CAMTA1: variants seen among roughly 807,000 people sequenced by gnomAD.
CAMTA1 encodes calmodulin binding transcription activator 1, also known as calmodulin-binding transcription activator 1.
Under a neutral mutation model 170.9 loss-of-function variants are expected in CAMTA1, and 27 were observed. The observed-to-expected ratio is 0.16, with a 90% CI of 0.12 to 0.22. The LOEUF (loss-of-function observed/expected upper bound fraction) is 0.22, where lower values mean the gene tolerates loss of function less well. CAMTA1 is among the 10% of genes least tolerant of loss of function. CAMTA1 has a pLI of 1.00. For synonymous variants in CAMTA1, 833 were observed against 891.5 expected, an observed-to-expected ratio of 0.93 and a Z score of 1.17; for missense variants, 1,619 against 2,217.2, an observed-to-expected ratio of 0.73 and a Z score of 5.42.
intron 1 of CAMTA1, among the ~76,000 whole-genome samples, chr1:6,801,063 A>G (rs994899135): frequency 6.6e-6 from 1 of 152,166 alleles, no homozygotes; most frequent in Admixed American, 6.5e-5. Context: ...AAGGGTGGAG[A>G]GTGGGCACTT....
chr1:7,327,955 T>C (rs2082792926), intron 5 of CAMTA1, among the ~76,000 whole-genome samples: 1 of 152,200 alleles, frequency 6.6e-6, no homozygotes, highest in South Asian at 2.1e-4. Flanking sequence ...TTTGTTTGTT[T>C]TTTTTTCCCT....
intron 5 of CAMTA1, among the ~76,000 whole-genome samples, chr1:7,255,621 A>G (rs962016565): frequency 1.3e-5 from 2 of 152,084 alleles, no homozygotes; most frequent in African/African-American, 4.8e-5. Flanking sequence ...TTGCCTTCCT[A>G]TCAGCCTTGT....
chr1:7,115,932 C>A (rs1380524892), intron 4 of CAMTA1, among the ~76,000 whole-genome samples: 1 of 152,078 alleles, frequency 6.6e-6, no homozygotes, highest in Non-Finnish European at 1.5e-5. Flanking sequence ...TTTACTCACT[C>A]TGCTGATTCA....
intron 10 of CAMTA1, chr1:7,671,914 G>A (rs781058448): frequency 2.5e-5 from 11 of 447,182 alleles, no homozygotes; most frequent in Middle Eastern, 1.2e-3. Context: ...GCAGAGTGCC[G>A]GACATGTCAC....
At chr1:7,441,962 A>G (rs1308387969) in intron 5 of CAMTA1, among the ~76,000 whole-genome samples, 1 of 152,154 alleles carries the variant, frequency 6.6e-6, no homozygotes, top group African/African-American at 2.4e-5. Context: ...CGGCGGTTTC[A>G]GAGGGCTGCT....
intron 4 of CAMTA1, among the ~76,000 whole-genome samples, chr1:7,203,977 G>A (rs952312219): frequency 6.6e-6 from 1 of 150,564 alleles, no homozygotes; most frequent in Non-Finnish European, 1.5e-5. Context: ...GACTACAGGC[G>A]CCCGCCACCA....
intron 1 of CAMTA1, among the ~76,000 whole-genome samples, chr1:6,797,131 G>T (rs956405664): frequency 6.6e-6 from 1 of 151,684 alleles, no homozygotes; most frequent in African/African-American, 2.4e-5. Context: ...GTGTAGTGGC[G>T]TGATCTTGTG....
chr1:6,955,004 C>T (rs1018517094), intron 3 of CAMTA1, among the ~76,000 whole-genome samples: 7 of 152,276 alleles, frequency 4.6e-5, no homozygotes, highest in African/African-American at 1.2e-4. Context: ...AGAAGAGCTT[C>T]GTGTTTATTG....
At chr1:7,360,280 G>T (rs922050501) in intron 5 of CAMTA1, among the ~76,000 whole-genome samples, 1 of 152,208 alleles carries the variant, frequency 6.6e-6, no homozygotes, top group African/African-American at 2.4e-5. Flanking sequence ...GCTACAAAAA[G>T]GGAGGTGCAT....
intron 5 of CAMTA1, among the ~76,000 whole-genome samples, chr1:7,403,151 G>A (rs1382673220): frequency 6.6e-6 from 1 of 152,032 alleles, no homozygotes; most frequent in African/African-American, 2.4e-5. Context: ...TCAGGAGTTC[G>A]AGACCAGCCT....
intron 3 of CAMTA1, among the ~76,000 whole-genome samples, chr1:6,888,731 T>C (rs1209635707): frequency 1.3e-5 from 2 of 152,264 alleles, no homozygotes; most frequent in South Asian, 2.1e-4. Flanking sequence ...ACAGATGCCA[T>C]GGTTACCCCG....
chr1:6,862,383 G>A (rs953903454), intron 3 of CAMTA1, among the ~76,000 whole-genome samples: 2 of 152,156 alleles, frequency 1.3e-5, no homozygotes, highest in Non-Finnish European at 2.9e-5. Flanking sequence ...GGCTGAATTC[G>A]TTATGTGCAC....
intron 3 of CAMTA1, among the ~76,000 whole-genome samples, chr1:6,837,413 G>T (rs552644910): frequency 1.6e-4 from 24 of 152,206 alleles, no homozygotes; most frequent in South Asian, 1.0e-3. Context: ...TCTTTTTTAG[G>T]TGGTGCTGCA....
chr1:7,217,181 C>T (rs1164880780), intron 4 of CAMTA1, among the ~76,000 whole-genome samples: 1 of 152,092 alleles, frequency 6.6e-6, no homozygotes, highest in African/African-American at 2.4e-5. Flanking sequence ...GATAGTGAGT[C>T]CTCACGAGAT....
intron 1 of CAMTA1, among the ~76,000 whole-genome samples, chr1:6,793,045 C>CTT (rs1641574838): frequency 1.3e-5 from 2 of 151,982 alleles, no homozygotes; most frequent in Non-Finnish European, 2.9e-5. Flanking sequence ...ATACCCCACT[C>CTT]TTATATATAT....
chr1:7,343,910 C>G (rs947023563), intron 5 of CAMTA1, among the ~76,000 whole-genome samples: 20 of 152,322 alleles, frequency 1.3e-4, no homozygotes, highest in African/African-American at 4.3e-4. Flanking sequence ...AATATTCCCC[C>G]GTGGGTCTCT....
intron 3 of CAMTA1, among the ~76,000 whole-genome samples, chr1:6,874,952 T>G (rs1402623164): frequency 6.6e-6 from 1 of 152,182 alleles, no homozygotes; most frequent in Non-Finnish European, 1.5e-5. Flanking sequence ...GGAAGGGACA[T>G]CACTGCCTTT....
At chr1:7,688,011 C>CTTTTTTTTTTTTTTTTTTTTTTTTTTT (rs70987364) in intron 11 of CAMTA1, among the ~76,000 whole-genome samples, 2 of 103,278 alleles carry the variant, frequency 1.9e-5, no homozygotes, top group Non-Finnish European at 3.8e-5. Context: ...CTCATTATTC[C>CTTTTTTTTTTTTTTTTTTTTTTTTTTT]TTTTTTTTTT....
intron 5 of CAMTA1, among the ~76,000 whole-genome samples, chr1:7,335,346 G>C (rs1427839256): frequency 6.6e-6 from 1 of 152,128 alleles, no homozygotes; most frequent in Non-Finnish European, 1.5e-5. Context: ...TTTACCAGTA[G>C]CACATTCCTA....
Sources: allele counts gnomAD v4.1 joint callset (sites outside exome capture counted in the v4.1 genomes callset), GRCh38; gene constraint gnomAD v4.1.1; transcripts MANE v1.5; gene names NCBI Gene and HGNC (gene_info 2026-07-23, HGNC 2026-07-21).